Variants in BRD10 observed in about 807,000 individuals in gnomAD.
BRD10 encodes bromodomain containing 10, also known as uncharacterized bromodomain-containing protein 10.
At chr9:5,948,449 TCAA>T in the BRD10 span, among the ~76,000 whole-genome samples, 1 of 151,798 alleles carries the variant, frequency 6.6e-6, no homozygotes, top group South Asian at 2.1e-4. Context: ...TCTCTTCAAC[TCAA>T]CAAGCAGCAA....
chr9:5,971,052 C>CAA, the BRD10 span, among the ~76,000 whole-genome samples: 174 of 43,162 alleles, frequency 4.0e-3, 34 homozygotes, highest in Admixed American at 5.5e-3. Flanking sequence ...AGCAACGTCT[C>CAA]AAAAAAAAAA....
chr9:5,930,786 C>T, the BRD10 span, among the ~76,000 whole-genome samples: 1 of 152,184 alleles, frequency 6.6e-6, no homozygotes, highest in African/African-American at 2.4e-5. Flanking sequence ...AAATGAGCTA[C>T]ACCTTACAAG....
At chr9:5,950,277 A>G in the BRD10 span, among the ~76,000 whole-genome samples, 2 of 152,154 alleles carry the variant, frequency 1.3e-5, no homozygotes, top group African/African-American at 4.8e-5. Context: ...TGATTTTCCT[A>G]TTCATAATTC....
chr9:5,957,043 T>G, the BRD10 span, among the ~76,000 whole-genome samples: 4 of 152,136 alleles, frequency 2.6e-5, no homozygotes, highest in Non-Finnish European at 5.9e-5. Context: ...AAGAAAACAC[T>G]GACAACGATT....
At chr9:5,935,966 C>T in the BRD10 span, among the ~76,000 whole-genome samples, 10 of 152,140 alleles carry the variant, frequency 6.6e-5, no homozygotes, top group Non-Finnish European at 1.2e-4. Flanking sequence ...TATAATCTAA[C>T]TTGATGACTT....
the BRD10 span, among the ~76,000 whole-genome samples, chr9:5,931,705 CAA>C: frequency 6.6e-6 from 1 of 151,932 alleles, no homozygotes; most frequent in African/African-American, 2.4e-5. Context: ...AAAACAAACC[CAA>C]AAGTTTATTA....
At chr9:6,003,527 GAT>G in the BRD10 span, among the ~76,000 whole-genome samples, 1 of 152,084 alleles carries the variant, frequency 6.6e-6, no homozygotes, top group African/African-American at 2.4e-5. Context: ...CTTGAGAATA[GAT>G]ATGTTATCTA....
At chr9:5,935,497 T>C in the BRD10 span, among the ~76,000 whole-genome samples, 1 of 152,202 alleles carries the variant, frequency 6.6e-6, no homozygotes, top group Non-Finnish European at 1.5e-5. Flanking sequence ...ACCATTTTCA[T>C]TTACAAAGAA....
chr9:5,944,058 T>C, the BRD10 span, among the ~76,000 whole-genome samples: 1 of 152,184 alleles, frequency 6.6e-6, no homozygotes, highest in Non-Finnish European at 1.5e-5. Context: ...TACATATTTA[T>C]ATTAACAGGT....
chr9:6,003,543 G>C, the BRD10 span, among the ~76,000 whole-genome samples: 2 of 152,148 alleles, frequency 1.3e-5, no homozygotes, highest in African/African-American at 4.8e-5. Context: ...TTATCTAACA[G>C]AGAAAATTGT....
chr9:5,886,710 T>C, the BRD10 span, among the ~76,000 whole-genome samples: 3 of 152,218 alleles, frequency 2.0e-5, no homozygotes, highest in Non-Finnish European at 4.4e-5. Context: ...GTGTGGACTC[T>C]GAGGCCCAAG....
the BRD10 span, chr9:6,007,951 T>C: frequency 2.3e-6 from 3 of 1,307,922 alleles, no homozygotes; most frequent in Non-Finnish European, 2.9e-6. Flanking sequence ...CGCGGGGGTC[T>C]TGAGCTCACC....
At chr9:6,007,467 G>A in the BRD10 span, 1 of 1,608,894 alleles carries the variant, frequency 6.2e-7, no homozygotes, top group Non-Finnish European at 8.5e-7. Flanking sequence ...CGGTGGCAAC[G>A]CCCCCCAAGG....
chr9:5,906,933 C>G, the BRD10 span: 1 of 1,595,710 alleles, frequency 6.3e-7, no homozygotes, highest in Admixed American at 1.8e-5. Flanking sequence ...AAGAAGATGC[C>G]CACAAGAAGG....
the BRD10 span, among the ~76,000 whole-genome samples, chr9:5,989,540 A>ATT: frequency 2.5e-3 from 344 of 137,938 alleles, 1 homozygote; most frequent in Non-Finnish European, 3.5e-3. Context: ...TAAAATGTAA[A>ATT]TTTTTTTTTT....
chr9:5,968,461 C>T, the BRD10 span: 2 of 1,611,746 alleles, frequency 1.2e-6, no homozygotes, highest in Admixed American at 1.7e-5. Context: ...TCCTTGGTTT[C>T]TCTAAATTTT....
chr9:5,946,778 T>G, the BRD10 span, among the ~76,000 whole-genome samples: 31 of 152,244 alleles, frequency 2.0e-4, 1 homozygote, highest in Middle Eastern at 0.01. Context: ...ATATTTTGCA[T>G]GCAGTTTGTA....
At chr9:5,931,898 T>C in the BRD10 span, among the ~76,000 whole-genome samples, 7 of 152,248 alleles carry the variant, frequency 4.6e-5, no homozygotes, top group East Asian at 1.4e-3. Flanking sequence ...TGTTCTGGGA[T>C]TGCTATTTGA....
At chr9:5,908,134 C>CT in the BRD10 span, among the ~76,000 whole-genome samples, 3 of 152,252 alleles carry the variant, frequency 2.0e-5, no homozygotes, top group East Asian at 5.8e-4. Flanking sequence ...GCGAGTTAAC[C>CT]TCTCTGTGCC....
Sources: gnomAD v4.1 joint callset for allele counts (sites outside exome capture counted in the v4.1 genomes callset) on GRCh38, gnomAD v4.1.1 for gene constraint, MANE v1.5 for transcripts, NCBI Gene and HGNC (gene_info 2026-07-23, HGNC 2026-07-21) for gene names.